EPG5: variants seen among roughly 807,000 people sequenced by gnomAD.
The protein encoded by EPG5 is ectopic P granules protein 5 homolog.
Under a neutral mutation model 302.7 loss-of-function variants are expected in EPG5, and 159 were observed. The ratio of observed to expected loss-of-function variants is 0.53; its 90% CI spans 0.46 to 0.60. The LOEUF is 0.60. Ranked by LOEUF, EPG5 falls within the 20% of genes least tolerant of loss-of-function variation. The probability of loss-of-function intolerance (pLI) is 0.00; values close to 1 mark genes in which losing one functional copy is unlikely to be tolerated. For synonymous variants in EPG5, 1,158 were observed against 1,136.8 expected, an observed-to-expected ratio of 1.02 and a Z score of -0.37; for missense variants, 2,896 against 3,092.4, an observed-to-expected ratio of 0.94 and a Z score of 1.51.
intron 1 of EPG5, among the ~76,000 whole-genome samples, chr18:45,961,836 C>T (rs1198858554): frequency 2.7e-5 from 4 of 145,998 alleles, no homozygotes; most frequent in Admixed American, 2.1e-4. Flanking sequence ...CCAGCCTGGG[C>T]GACAACAGTG....
chr18:45,947,933 C>A (rs1384069053), intron 6 of EPG5, among the ~76,000 whole-genome samples: 1 of 152,228 alleles, frequency 6.6e-6, no homozygotes, highest in East Asian at 1.9e-4. Context: ...CACCACCATG[C>A]CCGGCTAATT....
At chr18:45,870,014 T>C (rs921425320) in intron 36 of EPG5, among the ~76,000 whole-genome samples, 6 of 152,222 alleles carry the variant, frequency 3.9e-5, no homozygotes, top group African/African-American at 1.4e-4. Context: ...TTTTCTGGTT[T>C]TGTAACCATT....
Position 45,930,825 on chromosome 18 carries a change from C to G in EPG5, c.2263G>C (p.Glu755Gln). Residue 755 changes from glutamate (E) to glutamine (Q), a missense_variant, in exon 12 of 44, where the codon GAA becomes CAA. By Grantham distance (29) the Glu-to-Gln change is conservative. Transcript: ENST00000282041. ...CACTTCTCAAAGTTGGTAAAATGTTCTGGGTCTGCAAGTTCATATCAAGAA... is the reference window on the plus strand; with the variant it reads ...CACTTCTCAAAGTTGGTAAAATGTTGTGGGTCTGCAAGTTCATATCAAGAA... The part of the protein sequence containing the change: ...AQCKQQLQDP[E>Q]HFTNFEKCLS... 6.3e-7 allele frequency: 1 copy of G among 1,590,180 alleles called. No homozygotes were observed. The highest frequency in any genetic ancestry group is 1.4e-5 in the African/African-American group (1 of 73,436).
chr18:45,898,433 T>G (rs1429197220), intron 27 of EPG5, among the ~76,000 whole-genome samples: 1 of 152,220 alleles, frequency 6.6e-6, no homozygotes, highest in South Asian at 2.1e-4. Context: ...TGGCATAAAG[T>G]AAATGCTATG....
the EPG5 span, among the ~76,000 whole-genome samples, chr18:45,839,371 A>G: frequency 1.3e-5 from 2 of 152,224 alleles, no homozygotes; most frequent in African/African-American, 4.8e-5. Flanking sequence ...GGTTAACTCT[A>G]GAGCCGTCCC....
At chr18:45,839,005 T>C in the EPG5 span, 1 of 1,593,444 alleles carries the variant, frequency 6.3e-7, no homozygotes, top group South Asian at 1.1e-5. Context: ...CAGCGGGGCC[T>C]CGACGGTCGC....
At chr18:45,846,035 CA>C (rs993696702), downstream of EPG5, among the ~76,000 whole-genome samples, 2 of 152,198 alleles carry the variant, frequency 1.3e-5, no homozygotes, top group Admixed American at 1.3e-4. Flanking sequence ...TCAGACAGGA[CA>C]AGAGAGCCAG....
downstream of EPG5, among the ~76,000 whole-genome samples, chr18:45,846,558 G>A (rs1005487914): frequency 3.4e-5 from 5 of 146,954 alleles, no homozygotes; most frequent in African/African-American, 1.2e-4. Context: ...GATCTCGGGG[G>A]TTCTAAGAGC....
chr18:45,811,271 T>C, the EPG5 span, among the ~76,000 whole-genome samples: 1 of 152,094 alleles, frequency 6.6e-6, no homozygotes, highest in African/African-American at 2.4e-5. Context: ...ACCCTAACAA[T>C]TCCTCTAGAA....
intron 4 of EPG5, among the ~76,000 whole-genome samples, chr18:45,950,143 T>C (rs1281933712): frequency 3.9e-5 from 6 of 152,314 alleles, no homozygotes; most frequent in East Asian, 1.9e-4. Context: ...GAATGACATA[T>C]AGAAAATTTT....
chr18:45,897,620 T>C (rs951226439), intron 27 of EPG5, among the ~76,000 whole-genome samples: 4 of 152,212 alleles, frequency 2.6e-5, no homozygotes, highest in African/African-American at 9.6e-5. Flanking sequence ...TGGCCAAAGA[T>C]AACTCAATGT....
the EPG5 span, among the ~76,000 whole-genome samples, chr18:45,804,491 G>A: frequency 2.6e-5 from 4 of 152,272 alleles, no homozygotes; most frequent in African/African-American, 9.6e-5. Flanking sequence ...AGAGTCAAAT[G>A]AATGGCAAAG....
intron 1 of EPG5, 93 bp downstream of exon 1, chr18:45,967,084 G>T (rs547378488): frequency 8.7e-6 from 11 of 1,268,908 alleles, no homozygotes; most frequent in Non-Finnish European, 1.2e-5. Flanking sequence ...AGGGCTCAGG[G>T]AACGGGAGTA....
rs1240486948 is a variant in EPG5 at position 45,850,686 on chromosome 18, C to T, written c.*1781G>A. 1.3e-5 allele frequency: 2 copies of T among 152,532 alleles called. No individual in the cohort carries two copies. The highest frequency in any genetic ancestry group is 2.4e-5 in the African/African-American group (1 of 41,404). 9.4% of individuals were successfully genotyped at this position (152,532 alleles called of 1,614,324 possible). ...ATGATTTTATTTTTTATAATTTTTA[C>T]AGACCAAAAAACATTATACAGATTA... is the stretch of plus-strand genomic sequence containing the variant. On this transcript the variant is annotated 3_prime_UTR_variant, in exon 44 of 44. Transcript: ENST00000282041.
At chr18:45,837,608 C>T in the EPG5 span, 1 of 1,510,038 alleles carries the variant, frequency 6.6e-7, no homozygotes, top group Non-Finnish European at 8.8e-7. Context: ...CACGCACCCG[C>T]ACCGCCACTA....
chr18:45,946,686 G>T lies in EPG5; in HGVS notation c.1654C>A (p.Leu552Ile). The T allele has an allele frequency of 1.9e-6, 3 of 1,613,986 alleles. No homozygotes were observed. Among genetic ancestry groups the T allele is most frequent in the Non-Finnish European group, 2.5e-6 (3 of 1,179,922 alleles). ...ACCTCTTCTCCTCCTTCGTCTACTA[G>T]CGTCCAAGTCCCAGACCCAGGCCCT... The part of the protein sequence containing the change: ...SSGPGSGTWT[L>I]VDEGGEEDED... Residue 552 changes from leucine to isoleucine, a missense_variant, in exon 7 of 44, where the codon CTA (leucine) becomes ATA (isoleucine). Around this residue, in one of 5 missense-constraint regions of EPG5, gnomAD observed 1,390 missense variants for 1,430.0 expected, o/e 0.97. Coordinates refer to ENST00000282041, the MANE Select transcript of EPG5 (RefSeq NM_020964.3).
chr18:45,923,444 A>T (rs1295640700), intron 14 of EPG5, 57 bp from the exon 15 acceptor site: 1 of 1,569,724 alleles, frequency 6.4e-7, no homozygotes, highest in Non-Finnish European at 8.7e-7. Context: ...TTGTTTTTGT[A>T]CCTTTGAATC....
the EPG5 span, chr18:45,842,359 T>C: frequency 1.1e-5 from 7 of 634,168 alleles, no homozygotes; most frequent in African/African-American, 1.3e-4. Flanking sequence ...TCTGGCCTCC[T>C]ATGTGGACAA....
intron 30 of EPG5, among the ~76,000 whole-genome samples, chr18:45,883,187 T>A: frequency 6.6e-6 from 1 of 152,110 alleles, no homozygotes; most frequent in East Asian, 1.9e-4. Context: ...TTCCTCAGAG[T>A]CTCATACATT....
Sources: allele counts gnomAD v4.1 joint callset (sites outside exome capture counted in the v4.1 genomes callset), GRCh38; gene constraint gnomAD v4.1.1; regional missense constraint gnomAD v4.1.1; transcripts MANE v1.5; gene names NCBI Gene and HGNC (gene_info 2026-07-23, HGNC 2026-07-21).